Variants in ACOX1 observed in about 807,000 individuals in gnomAD.
ACOX1 encodes the protein peroxisomal acyl-coenzyme A oxidase 1.
In ACOX1, 41 loss-of-function variants were observed where a neutral mutation model predicts 75.5. That is an observed-to-expected ratio of 0.54 (90% CI 0.42 to 0.70). ACOX1 has a LOEUF of 0.70. Ranked by LOEUF, ACOX1 falls within the 30% of genes least tolerant of loss-of-function variation. ACOX1 has a pLI of 0.00. For missense variants in ACOX1, 630 were observed against 837.5 expected (o/e 0.75, Z 3.06); for synonymous variants, 303 against 298.8 (o/e 1.01, Z -0.15).
intron 13 of ACOX1, among the ~76,000 whole-genome samples, chr17:75,947,029 T>A (rs1342848458): frequency 1.3e-5 from 2 of 151,878 alleles, no homozygotes; most frequent in Non-Finnish European, 2.9e-5. Context: ...CCATGACACC[T>A]GGCTGCTATT....
At position 75,955,587 on chromosome 17, in the gene ACOX1, G is replaced by C. The variant is rs774745211; in HGVS notation, c.753C>G (p.Asn251Lys). 3.1e-6 allele frequency: 5 copies of C among 1,614,078 alleles called. No individual in the cohort carries two copies. Among genetic ancestry groups the C allele is most frequent in the Non-Finnish European group, 4.2e-6 (5 of 1,179,960 alleles). ...KMDNHRIPRE[N>K]MLMKYAQVKP... ...ATACCTGGGCATACTTCATCAGCAT[G>C]TTTTCTCTGGGAATACGATGGTTGT... The change falls in exon 6 of 14, where the codon AAC becomes AAG. Residue 251 changes from asparagine to lysine, a missense_variant. Asn to Lys is a moderately conservative substitution (Grantham distance 94). Around this residue, in one of 2 missense-constraint regions of ACOX1, gnomAD observed 390 missense variants for 574.9 expected, o/e 0.68. Transcript: ENST00000293217.
chr17:75,955,761 T>C lies in ACOX1; in HGVS notation c.658+67A>G. ...TTTGCTCCGCCTCTTCAGTTGGGCA[T>C]TCTACCTTTTGCAGAAGAAAGTGCT... is the stretch of plus-strand genomic sequence containing the variant. On this transcript the variant is annotated intron_variant, in intron 5 of 13. Coordinates refer to ENST00000293217, the MANE Select transcript of ACOX1 (RefSeq NM_004035.7). The C allele has an allele frequency of 1.9e-6, 3 of 1,613,244 alleles. No individual in the cohort carries two copies. The Admixed American group carries it at 5.0e-5, about 27-fold the overall frequency.
At chr17:75,963,353 C>T (rs188367712) in intron 2 of ACOX1, among the ~76,000 whole-genome samples, 9 of 152,068 alleles carry the variant, frequency 5.9e-5, no homozygotes, top group African/African-American at 2.2e-4. Flanking sequence ...ACCTTGTCAC[C>T]TCGTCCTGTC....
intron 2 of ACOX1, among the ~76,000 whole-genome samples, chr17:75,964,716 G>C (rs1221415406): frequency 6.6e-6 from 1 of 152,148 alleles, no homozygotes; most frequent in Non-Finnish European, 1.5e-5. Context: ...TGTTTTAAAA[G>C]CTGCTTATGC....
rs143840656 is a variant in ACOX1, at chr17:75,950,576, C to T, written c.1298+198G>A. Among the ~76,000 whole-genome samples, 501 of 152,204 alleles carry T rather than the reference C, an allele frequency of 3.3e-3. 1 individual carries two copies. The highest frequency in any genetic ancestry group is 0.017 in the Middle Eastern group (5 of 294). On this transcript the variant is annotated intron_variant, in intron 9 of 13. Coordinates refer to ENST00000293217, the MANE Select transcript of ACOX1 (RefSeq NM_004035.7). This position sits in a 1 kb window ranked among gnomAD's most constrained non-coding sequence, Gnocchi z 4.3. ...AGTAACTCTATCCTTGATACAACTGCAAGCTATGTAACAGGTGCTTCATAC... is the reference window on the plus strand; with the variant it reads ...AGTAACTCTATCCTTGATACAACTGTAAGCTATGTAACAGGTGCTTCATAC...
At chr17:75,973,789 C>T (rs777508033) in intron 2 of ACOX1, 23 of 1,613,982 alleles carry the variant, frequency 1.4e-5, no homozygotes, top group South Asian at 2.2e-5. Context: ...ATGTAGTCTA[C>T]AGGAGAGAAG....
chr17:75,974,631 A>G (rs2144317482), intron 2 of ACOX1, among the ~76,000 whole-genome samples: 1 of 152,336 alleles, frequency 6.6e-6, no homozygotes, highest in South Asian at 2.1e-4. Context: ...CAATGTTACT[A>G]CCAGTTTATC....
Position 75,942,675 on chromosome 17 carries a change from T to G in ACOX1, c.*4073A>C, listed in dbSNP as rs1267442332. The G allele has an allele frequency of 6.6e-6, 1 of 152,084 alleles. No homozygotes were observed. The highest frequency in any genetic ancestry group is 2.4e-5 in the African/African-American group (1 of 41,392). The allele number at this position is 152,084 out of a possible 1,614,324, so 9.4% of individuals were successfully genotyped here. A position where few individuals can be genotyped will look rare whatever the true frequency, so the allele number is the denominator to read the frequency against. ...GCACTCCTCCTCTCTCTAGCTGTAG[T>G]AGCAGCTACTGCTTGAAGACAACCT... On this transcript the variant is annotated 3_prime_UTR_variant, in exon 14 of 14. Coordinates refer to ENST00000293217, the MANE Select transcript of ACOX1 (RefSeq NM_004035.7).
At chr17:75,961,780 A>T (rs968725516) in intron 2 of ACOX1, among the ~76,000 whole-genome samples, 4 of 151,664 alleles carry the variant, frequency 2.6e-5, no homozygotes, top group African/African-American at 9.7e-5. Context: ...AAAAAAAAAA[A>T]AAGTTGTATA....
chr17:75,968,779 G>A (rs2065965834), intron 2 of ACOX1, among the ~76,000 whole-genome samples: 1 of 151,502 alleles, frequency 6.6e-6, no homozygotes, highest in Non-Finnish European at 1.5e-5. Flanking sequence ...AAAAGTAGCC[G>A]GGCGTGGTGG....
chr17:75,949,277 C>G lies in ACOX1; in HGVS notation c.1668G>C (p.Arg556Ser), dbSNP rs1449232218. 2.6e-5 allele frequency: 42 copies of G among 1,614,078 alleles called. No homozygotes were observed. Among genetic ancestry groups the G allele is most frequent in the Middle Eastern group, 1.6e-4 (1 of 6,084 alleles). Residue 556 changes from arginine to serine, a missense_variant, in exon 12 of 14, where the codon AGG becomes AGC. This residue lies in a region of ACOX1 where 240 missense variants were observed against 262.7 expected (regional missense o/e 0.91). Transcript: ENST00000293217. The part of the protein sequence containing the change: ...IQDKAIQAVL[R>S]SLCLLYSLYG... ...ACAGAGAATACAGCAGACATAAACT[C>G]CTTAAGACAGCTTGAATGGCTTTAT...
At position 75,978,425 on chromosome 17, in the gene ACOX1, A is replaced by T; in HGVS notation, c.269+109T>A. The T allele has an allele frequency of 7.0e-7, 1 of 1,428,904 alleles. No individual in the cohort carries two copies. The highest frequency in any genetic ancestry group is 9.8e-7 in the Non-Finnish European group (1 of 1,016,800). The allele number at this position is 1,428,904 out of a possible 1,614,324, so 88.5% of individuals were successfully genotyped here. A position where few individuals can be genotyped will look rare whatever the true frequency, so the allele number is the denominator to read the frequency against. On this transcript the variant is annotated intron_variant, in intron 2 of 13. Transcript: ENST00000293217. This position sits in a 1 kb window ranked among gnomAD's most constrained non-coding sequence, Gnocchi z 4.2. ...TAACTTTATAAAGTTGCATGAAAAT[A>T]TGCCAGTTTGCATCTTCAAACACCA...
chr17:75,947,057 A>G (rs888380864), intron 13 of ACOX1, among the ~76,000 whole-genome samples: 12 of 151,564 alleles, frequency 7.9e-5, no homozygotes, highest in African/African-American at 2.9e-4. Context: ...TTTTGTAGAG[A>G]TGGGGGTTTA....
intron 6 of ACOX1, among the ~76,000 whole-genome samples, chr17:75,954,568 C>CTTTT (rs778030630): frequency 6.9e-5 from 8 of 115,652 alleles, no homozygotes; most frequent in Non-Finnish European, 1.2e-4. Flanking sequence ...TTATTAGCTC[C>CTTTT]TTTTTTTTTT....
chr17:75,968,617 A>G (rs1190724271), intron 2 of ACOX1, among the ~76,000 whole-genome samples: 1 of 147,738 alleles, frequency 6.8e-6, no homozygotes, highest in Non-Finnish European at 1.5e-5. Flanking sequence ...AAAAAAAAAA[A>G]AAAAAAAGAA....
In ACOX1 at chr17:75,946,045, T is replaced by C. The variant is rs1281620457; in HGVS notation, c.*703A>G. The C allele has an allele frequency of 6.5e-6, 1 of 153,592 alleles. No individual in the cohort carries two copies. Among genetic ancestry groups the C allele is most frequent in the East Asian group, 1.9e-4 (1 of 5,228 alleles). 9.5% of individuals were successfully genotyped at this position (153,592 alleles called of 1,614,324 possible). ...CCACAGCTGAGAGGTTTCCCTATAC[T>C]TCCTACTACTGTGACAATTTAGCAA... On this transcript the variant is annotated 3_prime_UTR_variant, in exon 14 of 14. Coordinates refer to ENST00000293217, the MANE Select transcript of ACOX1 (RefSeq NM_004035.7).
At position 75,948,406 on chromosome 17, in the gene ACOX1, C is replaced by T. The variant is rs544022883; in HGVS notation, c.1780G>A (p.Glu594Lys). 3.7e-5 allele frequency: 60 copies of T among 1,614,040 alleles called. No individual in the cohort carries two copies. Among genetic ancestry groups the T allele is most frequent in the Non-Finnish European group, 5.1e-5 (60 of 1,180,034 alleles). The stretch of plus-strand genomic sequence containing the variant: ...TCTGAGCGAATCAGAGTGAGTAACT[C>T]CTTTACACGCTGGTTTACTTGTGTA... The part of the protein sequence containing the change: ...QITQVNQRVK[E>K]LLTLIRSDAV... Residue 594 changes from glutamate (E) to lysine (K), a missense_variant, in exon 13 of 14, where the codon GAG (glutamate) becomes AAG (lysine). Glu to Lys is a moderately conservative substitution (Grantham distance 56). This residue lies in a region of ACOX1 where 240 missense variants were observed against 262.7 expected (regional missense o/e 0.91). Transcript: ENST00000293217.
chr17:75,948,367 C>A lies in ACOX1; in HGVS notation c.1819G>T (p.Val607Phe). ...ACATCCTGAAAATCAAATGCATCAA[C>A]CAAAGCAACAGCATCTGAGCGAATC... ...TLIRSDAVAL[V>F]DAFDFQDVTL... The change falls in exon 13 of 14, where the codon GTT (valine) becomes TTT (phenylalanine). Residue 607 changes from valine (V) to phenylalanine (F), a missense_variant. Val to Phe is a conservative substitution (Grantham distance 50). Coordinates refer to ENST00000293217, the MANE Select transcript of ACOX1 (RefSeq NM_004035.7). The A allele has an allele frequency of 6.2e-7, 1 of 1,614,140 alleles. No homozygotes were observed. Among genetic ancestry groups the A allele is most frequent in the East Asian group, 2.2e-5 (1 of 44,890 alleles).
intron 6 of ACOX1, among the ~76,000 whole-genome samples, chr17:75,954,602 C>T (rs944129485): frequency 4.0e-5 from 5 of 126,302 alleles, no homozygotes; most frequent in Non-Finnish European, 8.1e-5. Context: ...GACAGAGTCT[C>T]GCTGTATTGC....
Sources: allele counts gnomAD v4.1 joint callset (sites outside exome capture counted in the v4.1 genomes callset), GRCh38; gene constraint gnomAD v4.1.1; regional missense constraint gnomAD v4.1.1; non-coding constraint Gnocchi (gnomAD v3.1); transcripts MANE v1.5; gene names NCBI Gene and HGNC (gene_info 2026-07-23, HGNC 2026-07-21).